Variants in FGD1 observed in about 807,000 individuals in gnomAD.
The protein encoded by FGD1 is FYVE, RhoGEF and PH domain-containing protein 1.
Under a neutral mutation model 65.0 loss-of-function variants are expected in FGD1, and 12 were observed. That is an observed-to-expected ratio of 0.18 (90% CI 0.12 to 0.30). The LOEUF is 0.30. FGD1 is among the 10% of genes least tolerant of loss of function. The pLI is 1.00. For missense variants in FGD1, 542 were observed against 837.6 expected (o/e 0.65, Z 4.36); for synonymous variants, 333 against 343.9 (o/e 0.97, Z 0.35).
At position 54,462,173 on chromosome X, in the gene FGD1, G is replaced by A. The variant is rs773156817; in HGVS notation, c.1636+3278C>T. Among the ~76,000 whole-genome samples the A allele has an allele frequency of 1.4e-3, 156 of 111,477 alleles. 1 individual carries two copies. In the Admixed American group the frequency reaches 0.015, roughly 11 times the overall value. On this transcript the variant is annotated intron_variant, in intron 8 of 17. Coordinates refer to ENST00000375135, the MANE Select transcript of FGD1 (RefSeq NM_004463.3). ...TGGAAGGCCCTTTCTAGAAGTTTAG[G>A]CTGGCACCTCAGTGAGGGCTCTTTT...
intron 12 of FGD1, 70 bp downstream of exon 12, chrX:54,455,378 G>A (rs1922474671): frequency 4.8e-6 from 4 of 835,982 alleles, no homozygotes; most frequent in Non-Finnish European, 7.1e-6. Flanking sequence ...CTCTGGGCCT[G>A]GAATGCCTCA....
At chrX:54,494,042 G>GA (rs1480558474) in intron 1 of FGD1, among the ~76,000 whole-genome samples, 2 of 112,713 alleles carry the variant, frequency 1.8e-5, no homozygotes, top group Non-Finnish European at 3.8e-5. Context: ...CCCAGATGGG[G>GA]AAGGTCCTGC....
chrX:54,477,331 T>C (rs1218922629), intron 1 of FGD1, among the ~76,000 whole-genome samples: 1 of 111,211 alleles, frequency 9.0e-6, no homozygotes, highest in African/African-American at 3.3e-5. Context: ...AGACAAAGAC[T>C]CTAACTCAGG....
chrX:54,482,758 C>T (rs1923180766), intron 1 of FGD1, among the ~76,000 whole-genome samples: 1 of 110,623 alleles, frequency 9.0e-6, no homozygotes, highest in East Asian at 2.9e-4. Flanking sequence ...CCACAGAGAC[C>T]CAGAGATGGA....
intron 17 of FGD1, 68 bp from the exon 18 acceptor site, chrX:54,446,482 C>T: frequency 1.9e-6 from 2 of 1,067,177 alleles, no homozygotes; most frequent in Non-Finnish European, 2.6e-6. Flanking sequence ...CAGCTTCTAA[C>T]TGGTTTTGCA....
intron 1 of FGD1, 111 bp from the exon 2 acceptor site, chrX:54,471,598 C>T: frequency 2.7e-6 from 2 of 736,928 alleles, no homozygotes; most frequent in Non-Finnish European, 4.0e-6. Flanking sequence ...TTGGGTTTCT[C>T]TGAGCCCCTT....
chrX:54,487,522 G>C (rs1437976368), intron 1 of FGD1, among the ~76,000 whole-genome samples: 1 of 112,596 alleles, frequency 8.9e-6, no homozygotes, highest in African/African-American at 3.2e-5. Context: ...TGGCCATACT[G>C]CCCAAAGCAA....
intron 5 of FGD1, 71 bp downstream of exon 5, chrX:54,468,716 G>A: frequency 1.4e-6 from 1 of 714,048 alleles, no homozygotes; most frequent in Non-Finnish European, 2.2e-6. Flanking sequence ...TTGAACTCAG[G>A]CCCTATCACT....
Position 54,467,806 on chromosome X carries a change from G to A in FGD1, c.1318C>T (p.Leu440=). Residue 440 remains leucine (L), a synonymous_variant, in exon 6 of 18, where the codon CTA becomes TTA. Transcript: ENST00000375135. ...CFHQQFLLPE[L]EKRMEEWDRY... ...CACCATTCCTCCATGCGCTTCTCTA[G>A]CTCAGGCAGCAGGAACTGCTGGTGG... The A allele has an allele frequency of 8.6e-7, 1 of 1,168,688 alleles. No individual in the cohort carries two copies. The highest frequency in any genetic ancestry group is 1.9e-5 in the South Asian group (1 of 52,751).
intron 6 of FGD1, among the ~76,000 whole-genome samples, chrX:54,466,884 G>A (rs1296066757): frequency 9.2e-6 from 1 of 109,062 alleles, no homozygotes; most frequent in African/African-American, 3.3e-5. Flanking sequence ...CGAGTAGCTG[G>A]GACTACAGGC....
chrX:54,461,366 G>C (rs754443893), intron 8 of FGD1, among the ~76,000 whole-genome samples: 1 of 109,311 alleles, frequency 9.1e-6, no homozygotes, highest in Non-Finnish European at 1.9e-5. Context: ...ACTTTTGGAA[G>C]CCAAGGCAGG....
Position 54,448,971 on chromosome X carries a change from G to C in FGD1, c.2275-4C>G, listed in dbSNP as rs1922310642. 1 of 1,207,508 alleles carries C rather than the reference G, an allele frequency of 8.3e-7. No individual in the cohort carries two copies. Among genetic ancestry groups the C allele is most frequent in the Non-Finnish European group, 1.1e-6 (1 of 893,681 alleles). ...CGGAGCACTTCCCACAAACCACCTG[G>C]GGTGGCAAGTGGGCAAGAGTAGCCT... On this transcript the variant is annotated splice_region_variant and splice_polypyrimidine_tract_variant and intron_variant, in intron 15 of 17. Transcript: ENST00000375135.
intron 13 of FGD1, 53 bp downstream of exon 13, chrX:54,450,218 A>G: frequency 8.9e-7 from 1 of 1,118,981 alleles, no homozygotes; most frequent in African/African-American, 1.8e-5. Context: ...ATCAACCCCT[A>G]GGAGACCTGT....
At chrX:54,449,005 C>T (rs372642699) in intron 15 of FGD1, 38 bp from the exon 16 acceptor site, 123 of 1,201,936 alleles carry the variant, frequency 1.0e-4, no homozygotes, top group African/African-American at 1.2e-4. Flanking sequence ...CTGATTCCAG[C>T]GGGTCTTCCC....
rs745466575 is a variant in FGD1, at chrX:54,449,290, A to G, written c.2149-22T>C. On this transcript the variant is annotated intron_variant, in intron 14 of 17. Transcript: ENST00000375135. ...CGTTCTGTAGGGAGGGCCAGGTCTC[A>G]GGTCAGAGACAGCTACTCCCCAGCC... The G allele has an allele frequency of 6.6e-6, 8 of 1,208,115 alleles. No homozygotes were observed. The South Asian group carries it at 1.2e-4, about 19-fold the overall frequency.
At chrX:54,462,438 G>T (rs1234686023) in intron 8 of FGD1, among the ~76,000 whole-genome samples, 2 of 102,663 alleles carry the variant, frequency 1.9e-5, no homozygotes, top group African/African-American at 7.2e-5. Flanking sequence ...CGTGGCTCAG[G>T]TTGGAGTGCA....
intron 4 of FGD1, 80 bp from the exon 5 acceptor site, chrX:54,468,956 G>T: frequency 1.4e-6 from 1 of 714,908 alleles, no homozygotes; most frequent in Non-Finnish European, 2.2e-6. Context: ...TCTTAAAACA[G>T]TTCCCATGCC....
At chrX:54,447,597 A>G in intron 16 of FGD1, 143 bp from the exon 17 acceptor site, 2 of 630,049 alleles carry the variant, frequency 3.2e-6, no homozygotes, top group Non-Finnish European at 5.0e-6. Context: ...TGATTTGTCC[A>G]GTGCCACCCA....
rs189037540 is a variant in FGD1 at position 54,494,895 on chromosome X, T to C, written c.307+231A>G. 1.0e-4 allele frequency among the ~76,000 whole-genome samples: 11 copies of C among 108,305 alleles called. No homozygotes were observed. The East Asian group carries it at 3.2e-3, about 32-fold the overall frequency. 94.0% of individuals were successfully genotyped at this position (108,305 alleles called of 115,157 possible). A position where few individuals can be genotyped will look rare whatever the true frequency, so the allele number is the denominator to read the frequency against. ...CCTCAGCAGACAGAGGAGAAGGGGG[T>C]TGGAGAGGTTGAGGGGCACAAGGGA... On this transcript the variant is annotated intron_variant, in intron 1 of 17. Coordinates refer to ENST00000375135, the MANE Select transcript of FGD1 (RefSeq NM_004463.3).
Sources: gnomAD v4.1 joint callset for allele counts (sites outside exome capture counted in the v4.1 genomes callset) on GRCh38, gnomAD v4.1.1 for gene constraint, MANE v1.5 for transcripts, NCBI Gene and HGNC (gene_info 2026-07-23, HGNC 2026-07-21) for gene names.